GABRG3: variants seen among roughly 807,000 people sequenced by gnomAD.
GABRG3 encodes the protein gamma-aminobutyric acid type A receptor subunit gamma3.
GABRG3 carries 25 observed loss-of-function variants against 48.8 expected under a neutral mutation model. The ratio of observed to expected loss-of-function variants is 0.51; its 90% CI spans 0.37 to 0.72. The LOEUF (loss-of-function observed/expected upper bound fraction) is 0.72, where lower values mean the gene tolerates loss of function less well. Among genes scored for constraint, GABRG3 ranks in the 30% least tolerant of loss-of-function variants. GABRG3 has a pLI of 0.00. For missense variants in GABRG3, 394 were observed against 577.9 expected, an observed-to-expected ratio of 0.68 and a Z score of 3.26; for synonymous variants, 227 against 217.6, an observed-to-expected ratio of 1.04 and a Z score of -0.38.
At chr15:27,388,230 G>GAGA (rs1566818053) in intron 5 of GABRG3, among the ~76,000 whole-genome samples, 1 of 44,172 alleles carries the variant, frequency 2.3e-5, no homozygotes, top group Non-Finnish European at 4.4e-5. Flanking sequence ...GGAAGGAAAG[G>GAGA]GAGGAGGGAG....
At chr15:27,055,190 C>T (rs905622723) in intron 3 of GABRG3, among the ~76,000 whole-genome samples, 16 of 151,970 alleles carry the variant, frequency 1.1e-4, no homozygotes, top group Non-Finnish European at 5.9e-5. Flanking sequence ...CGTCCCGCAC[C>T]GGAGCAGCCT....
At chr15:27,084,576 A>G (rs1897045077) in intron 3 of GABRG3, among the ~76,000 whole-genome samples, 1 of 152,236 alleles carries the variant, frequency 6.6e-6, no homozygotes, top group South Asian at 2.1e-4. Context: ...CTGGGGCTGC[A>G]TGGCACAAGA....
chr15:27,340,116 G>A (rs1302859584), intron 5 of GABRG3, among the ~76,000 whole-genome samples: 1 of 152,208 alleles, frequency 6.6e-6, no homozygotes, highest in East Asian at 1.9e-4. Context: ...TGCAAGGTGG[G>A]AATGACAGCA....
At chr15:27,206,646 G>T (rs1388329407) in intron 3 of GABRG3, among the ~76,000 whole-genome samples, 2 of 152,050 alleles carry the variant, frequency 1.3e-5, no homozygotes, top group Non-Finnish European at 2.9e-5. Context: ...CTGTCCGTTG[G>T]GGGTTGAATT....
At chr15:27,165,275 A>G (rs1399044560) in intron 3 of GABRG3, among the ~76,000 whole-genome samples, 1 of 152,134 alleles carries the variant, frequency 6.6e-6, no homozygotes, top group East Asian at 1.9e-4. Flanking sequence ...GACTTCCAGC[A>G]TTGGGCAGTG....
At chr15:27,158,454 T>G (rs1898492153) in intron 3 of GABRG3, 1 of 152,206 alleles carries the variant, frequency 6.6e-6, no homozygotes. Flanking sequence ...CCATGTTTAT[T>G]TCAAAGTGAT....
At chr15:27,495,696 G>A (rs936635210) in intron 6 of GABRG3, among the ~76,000 whole-genome samples, 1 of 151,794 alleles carries the variant, frequency 6.6e-6, no homozygotes, top group Admixed American at 6.6e-5. Context: ...GATTATTTTT[G>A]TGTCTCCTAT....
intron 3 of GABRG3, among the ~76,000 whole-genome samples, chr15:27,302,074 G>C (rs1892229176): frequency 1.3e-5 from 2 of 152,028 alleles, no homozygotes; most frequent in South Asian, 4.1e-4. Context: ...AATGATACCA[G>C]AAGGAAACTT....
At chr15:27,188,369 C>A (rs1449149189) in intron 3 of GABRG3, among the ~76,000 whole-genome samples, 2 of 152,208 alleles carry the variant, frequency 1.3e-5, no homozygotes, top group Non-Finnish European at 2.9e-5. Flanking sequence ...CCTATTTCTC[C>A]ACATACTCTC....
chr15:27,119,735 G>GA (rs1306487985), intron 3 of GABRG3, among the ~76,000 whole-genome samples: 7 of 152,270 alleles, frequency 4.6e-5, no homozygotes, highest in Admixed American at 4.6e-4. Flanking sequence ...GGTTCGTATG[G>GA]AAAATCATCT....
intron 3 of GABRG3, among the ~76,000 whole-genome samples, chr15:27,277,674 T>C (rs1891299895): frequency 6.6e-6 from 1 of 152,296 alleles, no homozygotes; most frequent in African/African-American, 2.4e-5. Context: ...TTCTCCTTAT[T>C]CTCTGCTTCA....
intron 5 of GABRG3, among the ~76,000 whole-genome samples, chr15:27,427,644 G>C (rs77871498): frequency 0.045 from 6,789 of 152,200 alleles, 176 homozygotes; most frequent in Middle Eastern, 0.11. Flanking sequence ...ACAAGATTTG[G>C]ATTCAAAGCC....
At chr15:27,421,009 C>T (rs1006562374) in intron 5 of GABRG3, among the ~76,000 whole-genome samples, 1 of 152,152 alleles carries the variant, frequency 6.6e-6, no homozygotes, top group Admixed American at 6.5e-5. Context: ...AAAAGAAACT[C>T]TTAAATTTTG....
chr15:27,109,133 A>G (rs1410329979), intron 3 of GABRG3, among the ~76,000 whole-genome samples: 2 of 152,198 alleles, frequency 1.3e-5, no homozygotes, highest in Admixed American at 6.5e-5. Context: ...TGCAGAGCAT[A>G]TACTTACCCC....
chr15:27,521,843 A>C (rs80022786), intron 7 of GABRG3, among the ~76,000 whole-genome samples: 1,644 of 152,116 alleles, frequency 0.011, 35 homozygotes, highest in African/African-American at 0.038. Flanking sequence ...TTAAAAAGAA[A>C]GAAGTCCCAG....
At chr15:27,488,548 C>G (rs1030536162) in intron 6 of GABRG3, among the ~76,000 whole-genome samples, 1 of 152,118 alleles carries the variant, frequency 6.6e-6, no homozygotes, top group African/African-American at 2.4e-5. Context: ...GATTGAGCTT[C>G]AAAGCAGACA....
chr15:27,209,755 T>C (rs1471637502), intron 3 of GABRG3, among the ~76,000 whole-genome samples: 1 of 152,202 alleles, frequency 6.6e-6, no homozygotes, highest in Non-Finnish European at 1.5e-5. Flanking sequence ...TGCCACAGAC[T>C]GGGGGCTCAA....
intron 3 of GABRG3, among the ~76,000 whole-genome samples, chr15:27,274,810 C>G (rs192518782): frequency 6.6e-6 from 1 of 152,258 alleles, no homozygotes; most frequent in African/African-American, 2.4e-5. Flanking sequence ...TTATATCATC[C>G]TACCTAAAAT....
chr15:27,064,786 A>G (rs1896709575), intron 3 of GABRG3, among the ~76,000 whole-genome samples: 1 of 152,182 alleles, frequency 6.6e-6, no homozygotes. Flanking sequence ...GCCTCTGCAC[A>G]CCATCCCGTG....
Sources: allele counts gnomAD v4.1 joint callset (sites outside exome capture counted in the v4.1 genomes callset), GRCh38; gene constraint gnomAD v4.1.1; transcripts MANE v1.5; gene names NCBI Gene and HGNC (gene_info 2026-07-23, HGNC 2026-07-21).